Variants in CFAP221 observed in about 807,000 individuals in gnomAD.
CFAP221 encodes cilia- and flagella-associated protein 221.
A neutral mutation model predicts 113.1 loss-of-function variants in CFAP221; 97 were observed. That is an observed-to-expected ratio of 0.86 (90% confidence interval 0.73 to 1.02). CFAP221 has a LOEUF of 1.02. Ranked by LOEUF, CFAP221 falls within the 50% of genes least tolerant of loss-of-function variation. The probability of loss-of-function intolerance (pLI) is 0.00; values close to 1 mark genes in which losing one functional copy is unlikely to be tolerated. For synonymous variants in CFAP221, 331 were observed against 354.4 expected (o/e 0.93, Z 0.74); for missense variants, 1,025 against 1,013.4 (o/e 1.01, Z -0.16).
At chr2:119,619,786 C>A (rs964570088) in intron 14 of CFAP221, among the ~76,000 whole-genome samples, 2 of 152,100 alleles carry the variant, frequency 1.3e-5, no homozygotes, top group African/African-American at 4.8e-5. Context: ...TAATAACAAA[C>A]TCCTCCAAGC....
chr2:119,626,872 G>A (rs1259943036), intron 15 of CFAP221, among the ~76,000 whole-genome samples: 2 of 151,654 alleles, frequency 1.3e-5, no homozygotes, highest in Non-Finnish European at 2.9e-5. Flanking sequence ...CAAGGTTGCA[G>A]TAAGCTATGA....
At chr2:119,652,558 C>T (rs998215131) in intron 23 of CFAP221, among the ~76,000 whole-genome samples, 24 of 152,196 alleles carry the variant, frequency 1.6e-4, no homozygotes, top group African/African-American at 5.5e-4. Flanking sequence ...AACCAGTTGC[C>T]TGATGTGAAC....
chr2:119,568,076 T>G (rs1328137506), intron 6 of CFAP221, among the ~76,000 whole-genome samples: 3 of 152,120 alleles, frequency 2.0e-5, no homozygotes, highest in Non-Finnish European at 4.4e-5. Context: ...AAAATAATCC[T>G]AATTTCTTCC....
At chr2:119,650,301 G>A (rs1239394262) in intron 22 of CFAP221, among the ~76,000 whole-genome samples, 4 of 152,224 alleles carry the variant, frequency 2.6e-5, no homozygotes, top group African/African-American at 7.2e-5. Flanking sequence ...AGCTTCTAGA[G>A]CTTGGACTTC....
chr2:119,645,657 G>A (rs759932296), intron 21 of CFAP221, among the ~76,000 whole-genome samples: 4 of 151,870 alleles, frequency 2.6e-5, no homozygotes, highest in African/African-American at 4.8e-5. Context: ...ACAAAGATAA[G>A]AATCTTATCA....
intron 12 of CFAP221, among the ~76,000 whole-genome samples, chr2:119,609,400 A>G (rs1684994694): frequency 1.3e-5 from 2 of 152,232 alleles, no homozygotes; most frequent in South Asian, 4.1e-4. Context: ...TTATTTTCTC[A>G]TAGTTCTGGA....
intron 12 of CFAP221, among the ~76,000 whole-genome samples, chr2:119,609,520 C>T (rs1010592409): frequency 2.0e-5 from 3 of 152,148 alleles, no homozygotes; most frequent in African/African-American, 7.2e-5. Context: ...CCACCTTCTC[C>T]TCATATCTTC....
rs1359125016 is a variant in CFAP221, at chr2:119,608,485, T to TC, written c.1134-17_1134-16insC. ...TTCTGATGGGTTCTGGACACAGTTT[T>TC]TTTTTTTTCTCCCCAGGCAGGTGCA... is the stretch of plus-strand genomic sequence containing the variant. On this transcript the variant is annotated splice_polypyrimidine_tract_variant and intron_variant, in intron 11 of 23. Transcript: ENST00000413369. The TC allele has an allele frequency of 1.3e-6, 2 of 1,578,064 alleles. No individual in the cohort carries two copies. Among genetic ancestry groups the TC allele is most frequent in the Non-Finnish European group, 8.6e-7 (1 of 1,162,376 alleles).
At chr2:119,586,086 C>T (rs903706036) in intron 6 of CFAP221, among the ~76,000 whole-genome samples, 3 of 151,982 alleles carry the variant, frequency 2.0e-5, no homozygotes, top group Admixed American at 6.6e-5. Flanking sequence ...GGGCCAGCCT[C>T]GAGGCAGGAG....
intron 3 of CFAP221, among the ~76,000 whole-genome samples, chr2:119,550,836 A>G (rs916693777): frequency 1.3e-5 from 2 of 152,192 alleles, no homozygotes; most frequent in South Asian, 2.1e-4. Flanking sequence ...CATTGCCACA[A>G]TCTAAGTTGA....
intron 6 of CFAP221, chr2:119,580,640 GACAA>G (rs1281487607): frequency 2.0e-5 from 3 of 152,130 alleles, no homozygotes; most frequent in African/African-American, 4.8e-5. Context: ...ACTAGTTAGT[GACAA>G]ACAAAATATA....
chr2:119,625,882 A>G, intron 15 of CFAP221, 194 bp downstream of exon 15: 1 of 564,612 alleles, frequency 1.8e-6, no homozygotes, highest in Admixed American at 3.3e-5. Context: ...GTTAGTCATC[A>G]TTTATACTTG....
intron 6 of CFAP221, chr2:119,580,223 T>C (rs1313722678): frequency 6.6e-6 from 1 of 152,172 alleles, no homozygotes; most frequent in African/African-American, 2.4e-5. Flanking sequence ...TGCATACCTC[T>C]AACAGAGCCT....
intron 8 of CFAP221, 196 bp downstream of exon 8, chr2:119,601,573 G>A: frequency 2.0e-6 from 1 of 490,072 alleles, no homozygotes; most frequent in Non-Finnish European, 3.4e-6. Flanking sequence ...AGTTGCTTCT[G>A]ACAAGAAGGG....
intron 8 of CFAP221, chr2:119,602,756 T>A: frequency 1.0e-6 from 1 of 985,404 alleles, no homozygotes; most frequent in Non-Finnish European, 1.2e-6. Flanking sequence ...TGGTGGCAAA[T>A]AAGCAGGTGA....
intron 5 of CFAP221, among the ~76,000 whole-genome samples, chr2:119,560,355 A>G (rs187711061): frequency 1.3e-5 from 2 of 151,892 alleles, no homozygotes; most frequent in Non-Finnish European, 1.5e-5. Flanking sequence ...ACTTCAACAT[A>G]CTCCCTTAAA....
chr2:119,609,826 T>C (rs955410068), intron 12 of CFAP221, among the ~76,000 whole-genome samples: 1 of 152,222 alleles, frequency 6.6e-6, no homozygotes, highest in Non-Finnish European at 1.5e-5. Flanking sequence ...TTGTCAGATA[T>C]GAATATGTTT....
chr2:119,613,795 T>C (rs1472443037), intron 13 of CFAP221, among the ~76,000 whole-genome samples: 2 of 152,272 alleles, frequency 1.3e-5, no homozygotes, highest in African/African-American at 2.4e-5. Flanking sequence ...TCATTACTTA[T>C]GTAAATTTCT....
intron 19 of CFAP221, among the ~76,000 whole-genome samples, chr2:119,631,749 A>T (rs1686787558): frequency 6.6e-6 from 1 of 152,192 alleles, no homozygotes; most frequent in Non-Finnish European, 1.5e-5. Context: ...GATCAATAAA[A>T]TGAATAAACC....
Sources: gnomAD v4.1 joint callset for allele counts (sites outside exome capture counted in the v4.1 genomes callset) on GRCh38, gnomAD v4.1.1 for gene constraint, MANE v1.5 for transcripts, NCBI Gene and HGNC (gene_info 2026-07-23, HGNC 2026-07-21) for gene names.